Variants in KIAA0825 observed in about 807,000 individuals in gnomAD.
The protein encoded by KIAA0825 is KIAA0825, also known as uncharacterized protein KIAA0825.
In KIAA0825, 119 loss-of-function variants were observed where a neutral mutation model predicts 147.6. The observed-to-expected ratio is 0.81, with a 90% CI of 0.69 to 0.94. The LOEUF (loss-of-function observed/expected upper bound fraction) is 0.94, where lower values mean the gene tolerates loss of function less well. Ranked by LOEUF, KIAA0825 falls within the 40% of genes least tolerant of loss-of-function variation. KIAA0825 has a pLI of 0.00. For missense variants in KIAA0825, 1,381 were observed against 1,472.7 expected (o/e 0.94, Z 1.02); for synonymous variants, 470 against 518.1 (o/e 0.91, Z 1.26).
intron 20 of KIAA0825, among the ~76,000 whole-genome samples, chr5:94,314,179 C>G (rs889031322): frequency 3.3e-5 from 5 of 151,612 alleles, no homozygotes; most frequent in Admixed American, 6.6e-5. Flanking sequence ...TACAATGAAG[C>G]ATGAAAGCAA....
At chr5:94,183,243 G>A (rs1347217797) in intron 20 of KIAA0825, among the ~76,000 whole-genome samples, 1 of 152,060 alleles carries the variant, frequency 6.6e-6, no homozygotes, top group Non-Finnish European at 1.5e-5. Flanking sequence ...CAACTCTTAA[G>A]AATCAAAATG....
At chr5:94,339,010 A>C (rs2150320597) in intron 20 of KIAA0825, among the ~76,000 whole-genome samples, 1 of 152,286 alleles carries the variant, frequency 6.6e-6, no homozygotes, top group East Asian at 1.9e-4. Context: ...CAAACCTTAT[A>C]ATTTAACATA....
chr5:94,236,573 A>G (rs1775051611), intron 20 of KIAA0825, among the ~76,000 whole-genome samples: 1 of 152,248 alleles, frequency 6.6e-6, no homozygotes, highest in South Asian at 2.1e-4. Context: ...GTTTGAGAGG[A>G]TTAAGTTCAA....
chr5:94,162,941 A>G (rs1767711723), intron 20 of KIAA0825, among the ~76,000 whole-genome samples: 1 of 152,214 alleles, frequency 6.6e-6, no homozygotes, highest in Non-Finnish European at 1.5e-5. Flanking sequence ...ATTGAGTAGT[A>G]GCTGATATCT....
chr5:94,374,884 T>C (rs1042091068), intron 20 of KIAA0825, among the ~76,000 whole-genome samples: 8 of 152,190 alleles, frequency 5.3e-5, no homozygotes, highest in Non-Finnish European at 1.2e-4. Context: ...GAATTCCATC[T>C]TGGCATCTGC....
At chr5:94,175,249 T>A (rs748092286) in intron 20 of KIAA0825, among the ~76,000 whole-genome samples, 11 of 152,236 alleles carry the variant, frequency 7.2e-5, no homozygotes, top group Admixed American at 2.0e-4. Flanking sequence ...GATAATAGGT[T>A]ATTTCTTCAA....
At chr5:94,560,767 A>T (rs1038289431) in intron 2 of KIAA0825, among the ~76,000 whole-genome samples, 1 of 152,170 alleles carries the variant, frequency 6.6e-6, no homozygotes, top group Non-Finnish European at 1.5e-5. Flanking sequence ...TTTGGACATT[A>T]TTTCTTGCTG....
chr5:94,364,207 G>A lies in KIAA0825; in HGVS notation c.3710+20161C>T, dbSNP rs184772879. On this transcript the variant is annotated intron_variant, in intron 20 of 20. Coordinates refer to ENST00000682413, the MANE Select transcript of KIAA0825 (RefSeq NM_001145678.3). ...TGCCCCGAGAATTGGGAAGACAGAA[G>A]GTTTTTGAGAGCTACAGAACTGGAG... Among the ~76,000 whole-genome samples, 449 of 151,922 alleles carry A rather than the reference G, an allele frequency of 3.0e-3. 3 individuals are homozygous for A. Among genetic ancestry groups the A allele is most frequent in the African/African-American group, 0.011 (437 of 41,408 alleles).
intron 20 of KIAA0825, among the ~76,000 whole-genome samples, chr5:94,309,475 T>C (rs1463634568): frequency 1.3e-5 from 2 of 151,664 alleles, no homozygotes; most frequent in Non-Finnish European, 3.0e-5. Context: ...ACACAGTTTC[T>C]GGTTAAAACC....
chr5:94,373,791 G>A (rs1222834949), intron 20 of KIAA0825, among the ~76,000 whole-genome samples: 4 of 152,062 alleles, frequency 2.6e-5, no homozygotes, highest in Non-Finnish European at 4.4e-5. Context: ...TTGTCACACA[G>A]TTTTGTTATT....
chr5:94,399,190 A>G (rs1057180343), intron 16 of KIAA0825, among the ~76,000 whole-genome samples: 19 of 152,152 alleles, frequency 1.2e-4, no homozygotes, highest in African/African-American at 4.3e-4. Context: ...TAACATATAG[A>G]TAAAGCAAAT....
At chr5:94,219,167 T>G (rs34429912) in intron 20 of KIAA0825, among the ~76,000 whole-genome samples, 5 of 152,144 alleles carry the variant, frequency 3.3e-5, no homozygotes, top group Admixed American at 6.6e-5. Context: ...TATTACATTG[T>G]AATATATAAT....
intron 20 of KIAA0825, among the ~76,000 whole-genome samples, chr5:94,183,003 C>A (rs544830144): frequency 2.0e-4 from 30 of 152,282 alleles, no homozygotes; most frequent in African/African-American, 7.0e-4. Flanking sequence ...TTGTGTATAT[C>A]TTAGCACAGA....
intron 20 of KIAA0825, among the ~76,000 whole-genome samples, chr5:94,159,079 T>C (rs1205328559): frequency 6.6e-6 from 1 of 152,184 alleles, no homozygotes; most frequent in African/African-American, 2.4e-5. Context: ...GGCTGATGAC[T>C]CTGTGGTTCT....
At chr5:94,251,325 C>T (rs1435987293) in intron 20 of KIAA0825, among the ~76,000 whole-genome samples, 1 of 152,060 alleles carries the variant, frequency 6.6e-6, no homozygotes, top group Non-Finnish European at 1.5e-5. Context: ...TCAGATAACC[C>T]CACACAAAGC....
chr5:94,285,958 G>C (rs951250900), intron 20 of KIAA0825, among the ~76,000 whole-genome samples: 1 of 152,124 alleles, frequency 6.6e-6, no homozygotes, highest in Admixed American at 6.6e-5. Context: ...AACTGCAAAA[G>C]TCACATATCA....
intron 20 of KIAA0825, among the ~76,000 whole-genome samples, chr5:94,245,713 A>G (rs1037791277): frequency 6.6e-6 from 1 of 152,072 alleles, no homozygotes; most frequent in Admixed American, 6.6e-5. Flanking sequence ...GGAAATTCAA[A>G]ACTTAATATG....
At chr5:94,283,336 T>G (rs967839669) in intron 20 of KIAA0825, among the ~76,000 whole-genome samples, 2 of 152,110 alleles carry the variant, frequency 1.3e-5, no homozygotes, top group Non-Finnish European at 2.9e-5. Context: ...TTGTCACAAT[T>G]AATCAGTGGT....
chr5:94,474,251 A>G (rs909555865), intron 7 of KIAA0825, among the ~76,000 whole-genome samples: 6 of 152,170 alleles, frequency 3.9e-5, no homozygotes, highest in Non-Finnish European at 5.9e-5. Flanking sequence ...CCTTTGGTCT[A>G]TGGCTCATAA....
Sources: allele counts gnomAD v4.1 joint callset (sites outside exome capture counted in the v4.1 genomes callset), GRCh38; gene constraint gnomAD v4.1.1; transcripts MANE v1.5; gene names NCBI Gene and HGNC (gene_info 2026-07-23, HGNC 2026-07-21).